TXNDC8: variants seen among roughly 807,000 people sequenced by gnomAD.
TXNDC8 encodes thioredoxin domain containing 8.
TXNDC8 carries 15 observed loss-of-function variants against 12.9 expected under a neutral mutation model. That is an observed-to-expected ratio of 1.16 (90% CI 0.78 to 1.79). The LOEUF (loss-of-function observed/expected upper bound fraction) is 1.79. Among genes scored for constraint, TXNDC8 ranks in the 40% most tolerant of loss-of-function variants. The pLI is 0.00. For synonymous variants in TXNDC8, 40 were observed against 35.4 expected, an observed-to-expected ratio of 1.13 and a Z score of -0.46; for missense variants, 128 against 113.2, an observed-to-expected ratio of 1.13 and a Z score of -0.59.
intron 3 of TXNDC8, among the ~76,000 whole-genome samples, chr9:110,305,764 CTTTCTTTTCT>C (rs746198439): frequency 0.18 from 23,835 of 133,920 alleles, 3,056 homozygotes; most frequent in East Asian, 0.44. Context: ...CTTCCCTTCC[CTTTCTTTTCT>C]TTTCTTTTCT....
chr9:110,334,683 G>T (rs1052719592), intron 1 of TXNDC8, among the ~76,000 whole-genome samples: 1 of 152,190 alleles, frequency 6.6e-6, no homozygotes, highest in Admixed American at 6.5e-5. Flanking sequence ...CAAAAAGGTT[G>T]GTAATGGAAG....
rs1418962103 is a variant in TXNDC8, at chr9:110,322,206, A to C, written c.195+3969T>G. Among the ~76,000 whole-genome samples, 3 of 152,022 alleles carry C rather than the reference A, an allele frequency of 2.0e-5. No homozygotes were observed. In the South Asian group the frequency reaches 6.2e-4, roughly 32 times the overall value. On this transcript the variant is annotated intron_variant, in intron 3 of 4. Transcript: ENST00000423740. ...CAAGTTTTTTTTTTTTTAAATTCAT[A>C]ACCAGGATGCTAAGTTACTAATATT...
intron 1 of TXNDC8, among the ~76,000 whole-genome samples, chr9:110,335,271 T>C (rs1340804439): frequency 1.3e-5 from 2 of 152,140 alleles, no homozygotes; most frequent in African/African-American, 4.8e-5. Flanking sequence ...AGGGTCTGGC[T>C]GTTCATCCAG....
chr9:110,309,243 G>A (rs1838571311), intron 3 of TXNDC8, among the ~76,000 whole-genome samples: 1 of 152,120 alleles, frequency 6.6e-6, no homozygotes, highest in Admixed American at 6.5e-5. Flanking sequence ...GTTGCCCCTG[G>A]GTGACTCGGG....
intron 3 of TXNDC8, among the ~76,000 whole-genome samples, chr9:110,305,550 CTTTCTTT>C (rs1838406106): frequency 6.3e-5 from 2 of 31,980 alleles, no homozygotes; most frequent in Non-Finnish European, 1.3e-4. Flanking sequence ...TTTTCTTTTT[CTTTCTTT>C]CTTTCTTTCT....
chr9:110,313,803 C>T (rs1838778759), intron 3 of TXNDC8, among the ~76,000 whole-genome samples: 1 of 152,096 alleles, frequency 6.6e-6, no homozygotes, highest in Admixed American at 6.6e-5. Context: ...TCCCTTCTTC[C>T]CCCTATTTTC....
intron 2 of TXNDC8, among the ~76,000 whole-genome samples, chr9:110,330,180 C>A (rs773136541): frequency 3.5e-4 from 53 of 152,152 alleles, no homozygotes; most frequent in Non-Finnish European, 5.1e-4. Context: ...TATTTCTAGT[C>A]GCTTATTTCT....
downstream of TXNDC8, among the ~76,000 whole-genome samples, chr9:110,302,077 C>T (rs746387292): frequency 6.6e-6 from 1 of 152,118 alleles, no homozygotes; most frequent in Non-Finnish European, 1.5e-5. Context: ...GCAACCTCCA[C>T]CTTCCAGGCG....
intron 3 of TXNDC8, among the ~76,000 whole-genome samples, chr9:110,307,092 C>A (rs1281462780): frequency 2.0e-5 from 3 of 151,422 alleles, no homozygotes; most frequent in Non-Finnish European, 2.9e-5. Context: ...CAAGCATGCA[C>A]CAATACACTG....
intron 3 of TXNDC8, among the ~76,000 whole-genome samples, chr9:110,321,389 T>C (rs538386839): frequency 6.6e-6 from 1 of 152,344 alleles, no homozygotes; most frequent in African/African-American, 2.4e-5. Flanking sequence ...CTCCTAACTC[T>C]TGTGTTCTGG....
intron 2 of TXNDC8, among the ~76,000 whole-genome samples, chr9:110,326,854 T>C (rs923645830): frequency 4.0e-5 from 6 of 151,662 alleles, no homozygotes; most frequent in African/African-American, 7.3e-5. Flanking sequence ...AGAAAATTAG[T>C]CACCCACAGG....
intron 2 of TXNDC8, among the ~76,000 whole-genome samples, chr9:110,331,700 G>T (rs1363660383): frequency 3.9e-5 from 6 of 152,102 alleles, no homozygotes; most frequent in Non-Finnish European, 7.4e-5. Context: ...AGATCATCAG[G>T]TATTCGATTC....
intron 3 of TXNDC8, among the ~76,000 whole-genome samples, chr9:110,316,064 A>AT (rs934166822): frequency 0.023 from 3,266 of 143,102 alleles, 127 homozygotes; most frequent in African/African-American, 0.075. Flanking sequence ...CACTCGGCTA[A>AT]TTTTTTTTTT....
chr9:110,312,687 C>G (rs1231009929), intron 3 of TXNDC8, among the ~76,000 whole-genome samples: 1 of 152,198 alleles, frequency 6.6e-6, no homozygotes, highest in East Asian at 1.9e-4. Flanking sequence ...ATTATTCTTG[C>G]TGCACTGTAT....
chr9:110,304,625 A>G (rs762155482), intron 3 of TXNDC8, 93 bp from the exon 5 acceptor site: 25 of 1,206,910 alleles, frequency 2.1e-5, no homozygotes, highest in Non-Finnish European at 2.9e-5. Flanking sequence ...TGGCCAGGGA[A>G]GGAAGGTGTC....
chr9:110,321,723 T>TG (rs1491133716), intron 3 of TXNDC8, among the ~76,000 whole-genome samples: 9 of 52,454 alleles, frequency 1.7e-4, no homozygotes, highest in Non-Finnish European at 3.5e-4. Context: ...GTCAGTTCTA[T>TG]GAAAAAAAAA....
At position 110,303,630 on chromosome 9, in the gene TXNDC8, G is replaced by A; in HGVS notation, c.*52C>T. ...TGAAACATTTATTGATTCAAGTGCTGCGAAAATGTTGAGGCTTTAAGGAAT... is the reference window on the plus strand; with the variant it reads ...TGAAACATTTATTGATTCAAGTGCTACGAAAATGTTGAGGCTTTAAGGAAT... On this transcript the variant is annotated 3_prime_UTR_variant, in exon 5 of 5. Coordinates refer to ENST00000423740, the MANE Select transcript of TXNDC8 (RefSeq NM_001286946.2). 1 of 1,583,514 alleles carries A rather than the reference G, an allele frequency of 6.3e-7. No individual in the cohort carries two copies. Among genetic ancestry groups the A allele is most frequent in the African/African-American group, 1.4e-5 (1 of 73,696 alleles).
intron 2 of TXNDC8, among the ~76,000 whole-genome samples, chr9:110,328,799 T>C (rs1341630103): frequency 6.6e-6 from 1 of 152,154 alleles, no homozygotes; most frequent in African/African-American, 2.4e-5. Context: ...AGAGTGAAAC[T>C]CTGTCCCCCA....
intron 1 of TXNDC8, among the ~76,000 whole-genome samples, chr9:110,335,217 GT>G (rs1253843380): frequency 1.3e-5 from 2 of 152,140 alleles, no homozygotes; most frequent in African/African-American, 4.8e-5. Flanking sequence ...CTCATAGAGT[GT>G]TTTCTTTATT....
Sources: gnomAD v4.1 joint callset for allele counts (sites outside exome capture counted in the v4.1 genomes callset) on GRCh38, gnomAD v4.1.1 for gene constraint, MANE v1.5 for transcripts, NCBI Gene and HGNC (gene_info 2026-07-23, HGNC 2026-07-21) for gene names.